The following OTOA variants were observed in gnomAD, a reference collection of about 807,000 sequenced individuals.
OTOA encodes the protein otoancorin.
A neutral mutation model predicts 110.8 loss-of-function variants in OTOA; 70 were observed. That is an observed-to-expected ratio of 0.63 (90% CI 0.52 to 0.77). OTOA has a LOEUF of 0.77. OTOA is among the 30% of genes least tolerant of loss of function. The pLI is 0.00. For missense variants in OTOA, 917 were observed against 1,075.8 expected (o/e 0.85, Z 2.06); for synonymous variants, 373 against 431.5 (o/e 0.86, Z 1.68).
intron 5 of OTOA, among the ~76,000 whole-genome samples, chr16:21,679,412 C>CT (rs1207250728): frequency 6.6e-6 from 1 of 151,844 alleles, no homozygotes. Flanking sequence ...AATTTTTTTT[C>CT]TTTTTTTGAA....
At chr16:21,693,270 A>G (rs1897870024) in intron 9 of OTOA, among the ~76,000 whole-genome samples, 1 of 152,194 alleles carries the variant, frequency 6.6e-6, no homozygotes, top group African/African-American at 2.4e-5. Flanking sequence ...TCGCAAAACA[A>G]GCAAACAAAC....
chr16:21,707,593 TTTTCTTTCTTTC>T (rs58214995), intron 12 of OTOA, among the ~76,000 whole-genome samples: 2,649 of 94,084 alleles, frequency 0.028, 66 homozygotes, highest in African/African-American at 0.055. Flanking sequence ...TTCTCCTTCC[TTTTCTTTCTTTC>T]TTTCTTTCTT....
At chr16:21,687,711 A>G (rs1369594277) in intron 8 of OTOA, 63 bp downstream of exon 8, 24 of 1,389,756 alleles carry the variant, frequency 1.7e-5, no homozygotes, top group Non-Finnish European at 2.3e-5. Context: ...TCTGTCGCCC[A>G]GGTTGGAGTG....
chr16:21,724,419 G>T (rs1898851333), intron 18 of OTOA, among the ~76,000 whole-genome samples: 1 of 152,078 alleles, frequency 6.6e-6, no homozygotes, highest in Admixed American at 6.5e-5. Context: ...AACACATGGG[G>T]GTATATCTGC....
At chr16:21,695,892 T>TATA (rs377002847) in intron 9 of OTOA, among the ~76,000 whole-genome samples, 17 of 21,064 alleles carry the variant, frequency 8.1e-4, no homozygotes, top group East Asian at 3.2e-3. Flanking sequence ...TATATATATA[T>TATA]TTTTTTTTTT....
chr16:21,710,500 G>A (rs1898323709), intron 13 of OTOA, among the ~76,000 whole-genome samples: 3 of 152,156 alleles, frequency 2.0e-5, no homozygotes, highest in African/African-American at 7.2e-5. Context: ...TTAGGACTTT[G>A]ACATATGAAT....
chr16:21,719,518 ATTTTCCAGC>A lies in OTOA; in HGVS notation c.1806+17_1806+25del. ...TCACCCTATCAGGTACCGTTAAAGC[ATTTTCCAGC>A]TTCTAATTCTCTCTCCCTACCCCAG... On this transcript the variant is annotated intron_variant, in intron 17 of 28. Coordinates refer to ENST00000646100, the MANE Select transcript of OTOA (RefSeq NM_144672.4). The A allele has an allele frequency of 3.7e-6, 6 of 1,608,326 alleles. No individual in the cohort carries two copies. The highest frequency in any genetic ancestry group is 4.3e-6 in the Non-Finnish European group (5 of 1,174,904).
intron 7 of OTOA, 101 bp downstream of exon 7, chr16:21,685,462 T>C (rs1039807235): frequency 1.9e-5 from 29 of 1,509,880 alleles, no homozygotes; most frequent in Non-Finnish European, 2.6e-5. Context: ...GGCACTTCAT[T>C]GTCTCTTCCT....
chr16:21,699,567 G>A (rs1898010067), intron 10 of OTOA, among the ~76,000 whole-genome samples: 1 of 151,996 alleles, frequency 6.6e-6, no homozygotes, highest in Admixed American at 6.6e-5. Context: ...AGCCCAGGAG[G>A]TCGAGGCTGC....
intron 14 of OTOA, among the ~76,000 whole-genome samples, chr16:21,716,019 C>T (rs1898543385): frequency 6.6e-6 from 1 of 151,966 alleles, no homozygotes; most frequent in African/African-American, 2.4e-5. Flanking sequence ...AAGGGATCCT[C>T]CCACCTCAGC....
intron 21 of OTOA, among the ~76,000 whole-genome samples, chr16:21,735,442 C>T (rs1050743971): frequency 3.3e-5 from 5 of 151,964 alleles, no homozygotes; most frequent in African/African-American, 1.2e-4. Context: ...CCCCCATGAT[C>T]CAATCACCTC....
chr16:21,707,082 C>T (rs1898189730), intron 12 of OTOA, among the ~76,000 whole-genome samples: 1 of 151,758 alleles, frequency 6.6e-6, no homozygotes, highest in African/African-American at 2.4e-5. Flanking sequence ...CTAGGCTGGT[C>T]TTGAACTCCT....
At chr16:21,692,656 G>A (rs138559809) in intron 9 of OTOA, among the ~76,000 whole-genome samples, 1 of 152,196 alleles carries the variant, frequency 6.6e-6, no homozygotes, top group African/African-American at 2.4e-5. Flanking sequence ...GGCCGGGCAT[G>A]GTGGCTCATG....
chr16:21,719,426 T>C lies in OTOA; in HGVS notation c.1728T>C (p.Ile576=). The C allele has an allele frequency of 6.2e-7, 1 of 1,614,188 alleles. No individual in the cohort carries two copies. Residue 576 remains isoleucine (I), a synonymous_variant, in exon 17 of 29, where the codon ATT becomes ATC. Coordinates refer to ENST00000646100, the MANE Select transcript of OTOA (RefSeq NM_144672.4). ...TCAAAGGCGTGACCTGCTCACACAT[T>C]GATGCCATGAGCACTGACTTCTTTC... The part of the protein sequence containing the change: ...QLVKGVTCSH[I]DAMSTDFFLA...
intron 1 of OTOA, 131 bp from the exon 2 acceptor site, chr16:21,678,380 G>T: frequency 1.7e-6 from 1 of 574,810 alleles, no homozygotes; most frequent in Non-Finnish European, 2.8e-6. Flanking sequence ...GGGTGTACTT[G>T]GTTTTTCCTT....
In OTOA at chr16:21,691,731, T is replaced by C. The variant is rs758989785; in HGVS notation, c.739+44T>C. 2.7e-6 allele frequency: 4 copies of C among 1,501,802 alleles called. No homozygotes were observed. The African/African-American group carries it at 5.5e-5, about 21-fold the overall frequency. The allele number at this position is 1,501,802 out of a possible 1,614,324, so 93.0% of individuals were successfully genotyped here. ...GTGGGGTCACTTTTTGGGGGAAGAA[T>C]ATCTTCAGAAGAGGTGTTTCATCTC... On this transcript the variant is annotated intron_variant, in intron 9 of 28. Transcript: ENST00000646100.
intron 1 of OTOA, among the ~76,000 whole-genome samples, chr16:21,673,937 A>G (rs1344932926): frequency 6.6e-6 from 1 of 152,020 alleles, no homozygotes; most frequent in Non-Finnish European, 1.5e-5. Context: ...AGCTGGGACT[A>G]CAGGCGCCCA....
chr16:21,710,940 T>C (rs1305727547), intron 13 of OTOA, among the ~76,000 whole-genome samples: 1 of 152,090 alleles, frequency 6.6e-6, no homozygotes, highest in Non-Finnish European at 1.5e-5. Context: ...GAGGCAGAGG[T>C]TGCAGTGAGC....
intron 27 of OTOA, among the ~76,000 whole-genome samples, chr16:21,756,169 G>A (rs563547208): frequency 2.3e-4 from 35 of 151,422 alleles, no homozygotes; most frequent in African/African-American, 5.3e-4. Context: ...AGTCCCCTTC[G>A]TATTCCAGTC....
Sources: gnomAD v4.1 joint callset for allele counts (sites outside exome capture counted in the v4.1 genomes callset) on GRCh38, gnomAD v4.1.1 for gene constraint, MANE v1.5 for transcripts, NCBI Gene and HGNC (gene_info 2026-07-23, HGNC 2026-07-21) for gene names.